Variants in LPAR6 observed in about 807,000 individuals in gnomAD.
The protein encoded by LPAR6 is G-protein coupled purinergic receptor P2Y5.
In LPAR6, 17 loss-of-function variants were observed where a neutral mutation model predicts 22.0. The observed-to-expected ratio is 0.77, with a 90% CI of 0.53 to 1.16. LPAR6 has a LOEUF of 1.16. Ranked by LOEUF, LPAR6 falls within the 50% of genes most tolerant of loss-of-function variation. LPAR6 has a pLI of 0.00. For missense variants in LPAR6, 384 were observed against 406.9 expected (o/e 0.94, Z 0.48); for synonymous variants, 136 against 139.8 (o/e 0.97, Z 0.19).
At chr13:48,390,592 A>G (rs536713079) in intron 1 of LPAR6, among the ~76,000 whole-genome samples, 1 of 152,346 alleles carries the variant, frequency 6.6e-6, no homozygotes, top group South Asian at 2.1e-4. Context: ...CACTTAAAAA[A>G]AAACTAATCT....
upstream of LPAR6, chr13:48,416,302 C>T (rs1948908658): frequency 1.3e-5 from 2 of 152,266 alleles, no homozygotes; most frequent in Admixed American, 1.3e-4. Flanking sequence ...CAGGGTGGGG[C>T]ATCGCCTTAC....
In LPAR6 at chr13:48,411,589, T is replaced by C; in HGVS notation, c.835A>G (p.Ile279Val). The C allele has an allele frequency of 5.6e-6, 9 of 1,613,146 alleles. No individual in the cohort carries two copies. Among genetic ancestry groups the C allele is most frequent in the Non-Finnish European group, 7.6e-6 (9 of 1,179,300 alleles). Residue 279 changes from isoleucine (I) to valine (V), a missense_variant, in exon 1 of 1, where the codon ATT becomes GTT. Coordinates refer to ENST00000620633, the MANE Select transcript of LPAR6 (RefSeq NM_001162498.3). ...VRTMYPITLC[I>V]AVSNCCFDPI... ...TCAAAACAACAGTTGGAAACAGCAA[T>C]ACAGAGAGTGATTGGGTACATTGTC...
intron 2 of LPAR6, among the ~76,000 whole-genome samples, chr13:48,421,144 C>T (rs922020644): frequency 6.6e-6 from 1 of 152,108 alleles, no homozygotes; most frequent in Non-Finnish European, 1.5e-5. Context: ...TACTACAAGG[C>T]TACAATAACC....
At chr13:48,395,384 G>A (rs1355262074) in intron 1 of LPAR6, among the ~76,000 whole-genome samples, 1 of 151,992 alleles carries the variant, frequency 6.6e-6, no homozygotes, top group South Asian at 2.1e-4. Context: ...GGAGTTTGAC[G>A]AATTGACAGA....
Position 48,443,205 on chromosome 13 carries a change from TA to T in LPAR6, c.-1474+1347del, listed in dbSNP as rs575202760. Among the ~76,000 whole-genome samples the T allele has an allele frequency of 1.0e-3, 151 of 151,452 alleles. 2 individuals carry two copies. The South Asian group carries it at 0.021, about 21-fold the overall frequency. On this transcript the variant is annotated intron_variant, in intron 1 of 6. Coordinates refer to the LPAR6 transcript ENST00000378434. ...GAAAGGATTACTGTTTTGAAAGACT[TA>T]AAAAAAATGCTTAGCTATTTTTTAG...
At chr13:48,436,601 C>G (rs2138293814) in intron 1 of LPAR6, among the ~76,000 whole-genome samples, 1 of 151,968 alleles carries the variant, frequency 6.6e-6, no homozygotes, top group East Asian at 1.9e-4. Context: ...CAAGATTGCA[C>G]CACTGCACTC....
At chr13:48,434,026 A>T (rs1037538234) in intron 1 of LPAR6, among the ~76,000 whole-genome samples, 4 of 152,014 alleles carry the variant, frequency 2.6e-5, no homozygotes, top group Non-Finnish European at 5.9e-5. Flanking sequence ...GCCTGGCCTC[A>T]ATATTTATTT....
Position 48,411,171 on chromosome 13 carries a change from A to C in LPAR6, c.*218T>G. ...AGAGATTTTTTTTAATGAAGGAACAAATCAAAATGGCTCAGAAAAATCAGA... is the reference window on the plus strand; with the variant it reads ...AGAGATTTTTTTTAATGAAGGAACACATCAAAATGGCTCAGAAAAATCAGA... On this transcript the variant is annotated 3_prime_UTR_variant, in exon 1 of 1. Coordinates refer to ENST00000620633, the MANE Select transcript of LPAR6 (RefSeq NM_001162498.3). The C allele has an allele frequency of 2.2e-6, 1 of 458,064 alleles. No individual in the cohort carries two copies. Among genetic ancestry groups the C allele is most frequent in the Non-Finnish European group, 3.9e-6 (1 of 255,068 alleles). 28.4% of individuals were successfully genotyped at this position (458,064 alleles called of 1,614,324 possible). A position where few individuals can be genotyped will look rare whatever the true frequency, so the allele number is the denominator to read the frequency against.
Position 48,413,048 on chromosome 13 carries a change from T to A in LPAR6, c.-625A>T, listed in dbSNP as rs1948845190. On this transcript the variant is annotated 5_prime_UTR_variant, in exon 1 of 1. Coordinates refer to ENST00000620633, the MANE Select transcript of LPAR6 (RefSeq NM_001162498.3). Reference sequence around the variant, plus strand: ...AGATTCCGAAATAAACTCCCAAGCTTGTTAGCTCTTGTTGAATTGAGGCCT... The same window carrying A: ...AGATTCCGAAATAAACTCCCAAGCTAGTTAGCTCTTGTTGAATTGAGGCCT... 1 of 167,264 alleles carries A rather than the reference T, an allele frequency of 6.0e-6. No individual in the cohort carries two copies. The highest frequency in any genetic ancestry group is 1.5e-5 in the Non-Finnish European group (1 of 68,264). 10.4% of individuals were successfully genotyped at this position (167,264 alleles called of 1,614,324 possible). A position where few individuals can be genotyped will look rare whatever the true frequency, so the allele number is the denominator to read the frequency against.
In LPAR6 at chr13:48,403,621, A is replaced by G. The variant is rs376297130; in HGVS notation, n.114+12079T>C. On this transcript the variant is annotated intron_variant and non_coding_transcript_variant, in intron 1 of 1. Coordinates refer to the LPAR6 transcript ENST00000462781. ...AGGTTTTCTAAAGTGCTGTTTGGCA[A>G]TGGTCCTCAAACTTGAGCATGCATC... 3.3e-5 allele frequency among the ~76,000 whole-genome samples: 5 copies of G among 152,250 alleles called. No individual in the cohort carries two copies. The East Asian group carries it at 7.7e-4, about 24-fold the overall frequency.
chr13:48,406,737 G>C (rs1480305679), downstream of LPAR6: 1 of 152,180 alleles, frequency 6.6e-6, no homozygotes, highest in Non-Finnish European at 1.5e-5. Flanking sequence ...CCACCATTAA[G>C]TAACTAGACA....
chr13:48,424,222 G>T (rs1421898412), intron 1 of LPAR6: 3 of 152,180 alleles, frequency 2.0e-5, no homozygotes, highest in Non-Finnish European at 4.4e-5. Flanking sequence ...ATATCTTTTA[G>T]CCTAAGGAGA....
At chr13:48,426,454 A>G (rs1349969969) in intron 1 of LPAR6, 1 of 152,242 alleles carries the variant, frequency 6.6e-6, no homozygotes, top group Non-Finnish European at 1.5e-5. Flanking sequence ...TGCTTATAAA[A>G]ACCACATATA....
At chr13:48,409,298 A>AT (rs779493728), downstream of LPAR6, among the ~76,000 whole-genome samples, 32 of 151,786 alleles carry the variant, frequency 2.1e-4, no homozygotes, top group Non-Finnish European at 4.7e-4. Flanking sequence ...GAAACCATGG[A>AT]TCCCTAAAGA....
chr13:48,409,147 T>C (rs1421257068), downstream of LPAR6, among the ~76,000 whole-genome samples: 2 of 150,118 alleles, frequency 1.3e-5, no homozygotes, highest in African/African-American at 4.9e-5. Context: ...TTTTTTCTTT[T>C]CTCTTTTTTT....
intron 1 of LPAR6, among the ~76,000 whole-genome samples, chr13:48,438,609 T>C (rs866695170): frequency 2.0e-5 from 3 of 152,138 alleles, no homozygotes; most frequent in Admixed American, 2.0e-4. Context: ...AAACAAAGGC[T>C]CTGAAATCAA....
intron 1 of LPAR6, among the ~76,000 whole-genome samples, chr13:48,395,529 A>G (rs1176079557): frequency 6.6e-6 from 1 of 152,146 alleles, no homozygotes; most frequent in Non-Finnish European, 1.5e-5. Flanking sequence ...TTAGAGAAGA[A>G]CATAAATGAC....
chr13:48,404,175 A>G (rs1357838881), intron 1 of LPAR6: 2 of 152,286 alleles, frequency 1.3e-5, no homozygotes, highest in East Asian at 3.9e-4. Flanking sequence ...TTTTGTGTAC[A>G]CTTACAGACA....
At chr13:48,392,594 G>C (rs1363842705) in intron 1 of LPAR6, among the ~76,000 whole-genome samples, 1 of 151,530 alleles carries the variant, frequency 6.6e-6, no homozygotes, top group Non-Finnish European at 1.5e-5. Context: ...AATTTGATTT[G>C]GGTCCTTTTT....
Sources: gnomAD v4.1 joint callset for allele counts (sites outside exome capture counted in the v4.1 genomes callset) on GRCh38, gnomAD v4.1.1 for gene constraint, MANE v1.5 for transcripts, NCBI Gene and HGNC (gene_info 2026-07-23, HGNC 2026-07-21) for gene names.